The following SKIC3 variants were observed in gnomAD, a reference collection of about 807,000 sequenced individuals.
The protein encoded by SKIC3 is SKI3 subunit of superkiller complex.
At chr5:95,548,820 G>A in the SKIC3 span, 2 of 151,772 alleles carry the variant, frequency 1.3e-5, no homozygotes, top group African/African-American at 4.8e-5. Context: ...TGTCCAAATT[G>A]AAAAGGAACA....
chr5:95,553,114 A>C, the SKIC3 span, among the ~76,000 whole-genome samples: 1 of 152,214 alleles, frequency 6.6e-6, no homozygotes, highest in South Asian at 2.1e-4. Flanking sequence ...GGATAAACTG[A>C]ATGTCAGATG....
At chr5:95,469,788 C>T in the SKIC3 span, 2 of 1,614,074 alleles carry the variant, frequency 1.2e-6, no homozygotes, top group South Asian at 1.1e-5. Context: ...ACCTTGCCCC[C>T]ATTTTGCGTT....
chr5:95,521,983 G>C, the SKIC3 span: 1 of 1,592,476 alleles, frequency 6.3e-7, no homozygotes, highest in East Asian at 2.2e-5. Context: ...ATACATTTAG[G>C]CAGGAAATCT....
At chr5:95,551,109 A>C in the SKIC3 span, among the ~76,000 whole-genome samples, 2 of 152,154 alleles carry the variant, frequency 1.3e-5, no homozygotes, top group African/African-American at 4.8e-5. Flanking sequence ...TAAGGAGTAT[A>C]ATATAATACA....
chr5:95,468,103 GATT>G, the SKIC3 span: 8,643 of 1,353,518 alleles, frequency 6.4e-3, 96 homozygotes, highest in South Asian at 0.035. Flanking sequence ...TGTAGTGTCT[GATT>G]ATGATTTTTT....
the SKIC3 span, among the ~76,000 whole-genome samples, chr5:95,469,185 G>A: frequency 6.6e-6 from 1 of 152,042 alleles, no homozygotes; most frequent in Non-Finnish European, 1.5e-5. Flanking sequence ...AAATATTAAA[G>A]TATTCTTGCC....
the SKIC3 span, among the ~76,000 whole-genome samples, chr5:95,470,633 T>C: frequency 6.6e-6 from 1 of 152,110 alleles, no homozygotes; most frequent in Non-Finnish European, 1.5e-5. Flanking sequence ...AATAAAGTAT[T>C]TTAATAAACT....
chr5:95,523,976 G>C, the SKIC3 span: 1 of 843,676 alleles, frequency 1.2e-6, no homozygotes, highest in African/African-American at 1.7e-5. Context: ...AAAATCCTTT[G>C]ATGTAAGATT....
At chr5:95,551,276 A>C in the SKIC3 span, among the ~76,000 whole-genome samples, 1 of 152,174 alleles carries the variant, frequency 6.6e-6, no homozygotes, top group African/African-American at 2.4e-5. Flanking sequence ...AACAAAAAAC[A>C]ATCTAGAATG....
the SKIC3 span, chr5:95,468,033 C>A: frequency 1.2e-6 from 2 of 1,608,150 alleles, no homozygotes; most frequent in Non-Finnish European, 1.7e-6. Context: ...ATGCAAATTA[C>A]CATAAGATAT....
At chr5:95,512,589 C>T in the SKIC3 span, 48 of 1,613,838 alleles carry the variant, frequency 3.0e-5, no homozygotes, top group South Asian at 4.9e-4. Context: ...TTGTGCAGAC[C>T]CAATACGCAT....
chr5:95,526,242 C>T, the SKIC3 span, among the ~76,000 whole-genome samples: 1 of 151,992 alleles, frequency 6.6e-6, no homozygotes, highest in African/African-American at 2.4e-5. Context: ...TAAGGTCCCC[C>T]TCCTTCTCTT....
At chr5:95,477,188 A>G in the SKIC3 span, among the ~76,000 whole-genome samples, 1 of 149,876 alleles carries the variant, frequency 6.7e-6, no homozygotes, top group Non-Finnish European at 1.5e-5. Flanking sequence ...ATAGTGAACT[A>G]CAATTAGTTG....
chr5:95,535,739 A>G, the SKIC3 span, among the ~76,000 whole-genome samples: 1 of 152,170 alleles, frequency 6.6e-6, no homozygotes, highest in Non-Finnish European at 1.5e-5. Flanking sequence ...TTTCCTTCAC[A>G]GTTATCTTTA....
chr5:95,506,933 C>T, the SKIC3 span: 1 of 1,613,116 alleles, frequency 6.2e-7, no homozygotes, highest in African/African-American at 1.3e-5. Context: ...AATACGCTTA[C>T]CATAACAATC....
chr5:95,524,868 T>C, the SKIC3 span, among the ~76,000 whole-genome samples: 2 of 152,094 alleles, frequency 1.3e-5, no homozygotes, highest in South Asian at 2.1e-4. Flanking sequence ...GTGAACATTA[T>C]GATCAGCTGA....
At chr5:95,520,655 T>G in the SKIC3 span, 1 of 1,328,336 alleles carries the variant, frequency 7.5e-7, no homozygotes, top group Non-Finnish European at 1.1e-6. Flanking sequence ...AATGATCTTC[T>G]AAATTTGGCT....
chr5:95,487,991 A>G, the SKIC3 span, among the ~76,000 whole-genome samples: 1 of 152,140 alleles, frequency 6.6e-6, no homozygotes, highest in Admixed American at 6.5e-5. Context: ...GATGGATATC[A>G]TAAGAAATAA....
At chr5:95,527,907 C>G in the SKIC3 span, 1 of 1,288,360 alleles carries the variant, frequency 7.8e-7, no homozygotes, top group Non-Finnish European at 1.1e-6. Context: ...ATTCATACCT[C>G]TAACACAAAA....
Sources: allele counts gnomAD v4.1 joint callset (sites outside exome capture counted in the v4.1 genomes callset), GRCh38; gene constraint gnomAD v4.1.1; transcripts MANE v1.5; gene names NCBI Gene and HGNC (gene_info 2026-07-23, HGNC 2026-07-21).